The following PCCB variants were observed in gnomAD, a reference collection of about 807,000 sequenced individuals.
PCCB encodes propionyl-CoA carboxylase subunit beta.
In PCCB, 43 loss-of-function variants were observed where a neutral mutation model predicts 60.7. That is an observed-to-expected ratio of 0.71 (90% CI 0.55 to 0.91). The LOEUF (loss-of-function observed/expected upper bound fraction) is 0.91. Among genes scored for constraint, PCCB ranks in the 40% least tolerant of loss-of-function variants. The probability of loss-of-function intolerance (pLI) is 0.00; values close to 1 mark genes in which losing one functional copy is unlikely to be tolerated. For missense variants in PCCB, 766 were observed against 702.8 expected, an observed-to-expected ratio of 1.09 and a Z score of -1.02; for synonymous variants, 276 against 255.9, an observed-to-expected ratio of 1.08 and a Z score of -0.75.
At chr3:136,270,266 A>G (rs890141092) in intron 5 of PCCB, among the ~76,000 whole-genome samples, 6 of 152,144 alleles carry the variant, frequency 3.9e-5, no homozygotes, top group Non-Finnish European at 7.4e-5. Context: ...GGGCTCTGCC[A>G]GTATTTCCTT....
At chr3:136,301,973 T>A (rs1027151294) in intron 9 of PCCB, among the ~76,000 whole-genome samples, 1 of 152,056 alleles carries the variant, frequency 6.6e-6, no homozygotes, top group Non-Finnish European at 1.5e-5. Flanking sequence ...AGAAAAAAAA[T>A]GAAGATGGTA....
intron 5 of PCCB, among the ~76,000 whole-genome samples, chr3:136,281,010 AGGATCAGTTGCATG>A (rs757009371): frequency 2.6e-4 from 40 of 152,314 alleles, no homozygotes; most frequent in Non-Finnish European, 4.1e-4. Context: ...AATCTTGCTG[AGGATCAGTTGCATG>A]GGATCAGTTG....
rs1553785152 is a variant in PCCB, at chr3:136,329,928, CCTT to C, written c.1527_1529del (p.Ser510del). ...AGGGTTTGTGGATGACATCATCCAA[CCTT>C]CTTCCACACGTGCCCGAATCTGCTG... On this transcript the variant is annotated inframe_deletion, in exon 15 of 15. Transcript: ENST00000251654. The C allele has an allele frequency of 6.2e-7, 1 of 1,614,182 alleles. No individual in the cohort carries two copies. The highest frequency in any genetic ancestry group is 8.5e-7 in the Non-Finnish European group (1 of 1,180,016).
At chr3:136,315,244 A>G (rs1396752276) in intron 9 of PCCB, among the ~76,000 whole-genome samples, 2 of 152,344 alleles carry the variant, frequency 1.3e-5, no homozygotes, top group Admixed American at 1.3e-4. Context: ...ATGTCATATA[A>G]TAAGAAATAG....
At chr3:136,253,652 T>G (rs546082407) in intron 1 of PCCB, among the ~76,000 whole-genome samples, 71 of 150,850 alleles carry the variant, frequency 4.7e-4, no homozygotes, top group Non-Finnish European at 3.2e-4. Flanking sequence ...CCCAAAGTGC[T>G]GGGATGACAG....
At chr3:136,283,801 C>A in intron 5 of PCCB, 36 bp from the exon 6 acceptor site, 1 of 1,392,058 alleles carries the variant, frequency 7.2e-7, no homozygotes, top group South Asian at 1.2e-5. Flanking sequence ...TCAAACATCT[C>A]TGTAACCAGA....
At chr3:136,272,626 TTGTG>T (rs1343390841) in intron 5 of PCCB, among the ~76,000 whole-genome samples, 1 of 152,156 alleles carries the variant, frequency 6.6e-6, no homozygotes, top group East Asian at 1.9e-4. Flanking sequence ...ATTTTTCAGT[TTGTG>T]TGTGTAAAGA....
At chr3:136,254,701 T>G (rs1470029134) in intron 1 of PCCB, among the ~76,000 whole-genome samples, 1 of 150,018 alleles carries the variant, frequency 6.7e-6, no homozygotes. Flanking sequence ...CCCAGCTAAT[T>G]TTTGTATTTT....
intron 5 of PCCB, among the ~76,000 whole-genome samples, chr3:136,275,296 A>T (rs1299328675): frequency 3.3e-5 from 5 of 151,164 alleles, no homozygotes; most frequent in Non-Finnish European, 5.9e-5. Context: ...TTTCTTTATG[A>T]TATCTATGTA....
intron 6 of PCCB, among the ~76,000 whole-genome samples, chr3:136,286,837 C>T (rs183757756): frequency 6.6e-6 from 1 of 151,922 alleles, no homozygotes; most frequent in East Asian, 1.9e-4. Context: ...TTGAGACCAG[C>T]ATGGCCAACA....
intron 4 of PCCB, 108 bp downstream of exon 4, chr3:136,260,643 G>C (rs563891307): frequency 1.1e-6 from 1 of 940,298 alleles, no homozygotes; most frequent in East Asian, 2.6e-5. Context: ...GGGTAGGGCA[G>C]AGGTATGCAA....
At position 136,301,022 on chromosome 3, in the gene PCCB, G is replaced by T; in HGVS notation, c.885-8G>T. 1.2e-6 allele frequency: 2 copies of T among 1,613,130 alleles called. No homozygotes were observed. Among genetic ancestry groups the T allele is most frequent in the Non-Finnish European group, 1.7e-6 (2 of 1,179,206 alleles). ...TGTTGACTATACCTGCCTTTTTTCTGCCTAAAGTGACCGTCTGGTTCCTGA... is the reference window on the plus strand; with the variant it reads ...TGTTGACTATACCTGCCTTTTTTCTTCCTAAAGTGACCGTCTGGTTCCTGA... On this transcript the variant is annotated splice_polypyrimidine_tract_variant and splice_region_variant and intron_variant, in intron 8 of 14. Coordinates refer to ENST00000251654, the MANE Select transcript of PCCB (RefSeq NM_000532.5).
chr3:136,323,403 T>G (rs1935177805), intron 10 of PCCB, among the ~76,000 whole-genome samples: 1 of 152,236 alleles, frequency 6.6e-6, no homozygotes, highest in Non-Finnish European at 1.5e-5. Context: ...TCATTTATTG[T>G]ACTTTTCAGC....
intron 9 of PCCB, among the ~76,000 whole-genome samples, chr3:136,309,985 ATT>A (rs1934598182): frequency 6.6e-6 from 1 of 152,000 alleles, no homozygotes; most frequent in South Asian, 2.1e-4. Context: ...TAATCCCAAC[ATT>A]TTGGGATGCT....
At chr3:136,329,754 G>T in intron 14 of PCCB, 151 bp from the exon 15 acceptor site, 2 of 806,994 alleles carry the variant, frequency 2.5e-6, no homozygotes, top group South Asian at 2.9e-5. Context: ...TGGGATACAA[G>T]GGGGAATTCA....
At chr3:136,277,023 G>A (rs1004976552) in intron 5 of PCCB, among the ~76,000 whole-genome samples, 3 of 152,164 alleles carry the variant, frequency 2.0e-5, no homozygotes, top group Non-Finnish European at 4.4e-5. Context: ...CTCCAGGCTG[G>A]TGCTGGGGAA....
intron 8 of PCCB, among the ~76,000 whole-genome samples, chr3:136,299,782 A>G (rs549546277): frequency 2.2e-4 from 34 of 151,124 alleles, no homozygotes; most frequent in East Asian, 1.2e-3. Context: ...ATGCATGTGT[A>G]TGTATGTATA....
intron 9 of PCCB, among the ~76,000 whole-genome samples, chr3:136,315,259 C>A (rs1300709549): frequency 6.6e-6 from 1 of 152,146 alleles, no homozygotes; most frequent in South Asian, 2.1e-4. Flanking sequence ...AAATAGTGGC[C>A]GGGCGCGGTG....
intron 1 of PCCB, among the ~76,000 whole-genome samples, chr3:136,253,411 G>A (rs1559993823): frequency 4.0e-5 from 6 of 151,612 alleles, no homozygotes; most frequent in South Asian, 2.1e-4. Context: ...TTAAGACAGG[G>A]TCTCACCTTG....
Sources: allele counts gnomAD v4.1 joint callset (sites outside exome capture counted in the v4.1 genomes callset), GRCh38; gene constraint gnomAD v4.1.1; transcripts MANE v1.5; gene names NCBI Gene and HGNC (gene_info 2026-07-23, HGNC 2026-07-21).